Variants in UBE2W observed in about 807,000 individuals in gnomAD.
UBE2W encodes ubiquitin-conjugating enzyme E2 W.
A neutral mutation model predicts 27.2 loss-of-function variants in UBE2W; 18 were observed. That is an observed-to-expected ratio of 0.66 (90% confidence interval 0.46 to 0.98). The LOEUF (loss-of-function observed/expected upper bound fraction) is 0.98. Ranked by LOEUF, UBE2W falls within the 50% of genes least tolerant of loss-of-function variation. The pLI is 0.00. For missense variants in UBE2W, 90 were observed against 180.2 expected (o/e 0.50, Z 2.87); for synonymous variants, 53 against 57.2 (o/e 0.93, Z 0.33).
Position 73,789,769 on chromosome 8 carries a change from T to G in UBE2W, c.*4333A>C. The G allele has an allele frequency of 2.7e-6, 1 of 367,268 alleles. No individual in the cohort carries two copies. The highest frequency in any genetic ancestry group is 3.8e-6 in the Non-Finnish European group (1 of 265,536). 22.8% of individuals were successfully genotyped at this position (367,268 alleles called of 1,614,324 possible). On this transcript the variant is annotated 3_prime_UTR_variant, in exon 6 of 6. Transcript: ENST00000602593. ...AGGAGAATCGCTTAGACCCAGGAGG[T>G]GGAGATTGAAATGAGCCAAGATCGT... is the stretch of plus-strand genomic sequence containing the variant.
intron 1 of UBE2W, among the ~76,000 whole-genome samples, chr8:73,873,136 T>C (rs1307601280): frequency 1.3e-5 from 2 of 152,200 alleles, no homozygotes; most frequent in African/African-American, 4.8e-5. Flanking sequence ...CTCGATCTCC[T>C]GACCTCAGGT....
intron 1 of UBE2W, among the ~76,000 whole-genome samples, chr8:73,871,525 A>G (rs1324697916): frequency 6.6e-6 from 1 of 152,188 alleles, no homozygotes; most frequent in African/African-American, 2.4e-5. Context: ...TCTCTAATGA[A>G]GTTTTACAAA....
chr8:73,788,133 T>C lies in UBE2W; in HGVS notation c.*5969A>G. 1.0e-6 allele frequency: 1 copy of C among 982,414 alleles called. No homozygotes were observed. Among genetic ancestry groups the C allele is most frequent in the Non-Finnish European group, 1.2e-6 (1 of 827,220 alleles). The allele number at this position is 982,414 out of a possible 1,614,324, so 60.9% of individuals were successfully genotyped here. A position where few individuals can be genotyped will look rare whatever the true frequency, so the allele number is the denominator to read the frequency against. Reference sequence around the variant, plus strand: ...ATTCAAGTCTACAGAAAAAATCCAATAACAACTGCTTTATTATTAAAAGTT... The same window carrying C: ...ATTCAAGTCTACAGAAAAAATCCAACAACAACTGCTTTATTATTAAAAGTT... On this transcript the variant is annotated 3_prime_UTR_variant, in exon 6 of 6. Transcript: ENST00000602593.
intron 5 of UBE2W, among the ~76,000 whole-genome samples, chr8:73,802,198 G>C (rs983547148): frequency 3.3e-5 from 5 of 152,148 alleles, no homozygotes; most frequent in African/African-American, 1.2e-4. Context: ...CTTCCTTAAA[G>C]GATTACACTA....
intron 4 of UBE2W, chr8:73,780,644 C>T: frequency 2.9e-6 from 1 of 350,860 alleles, no homozygotes; most frequent in Admixed American, 3.3e-5. Flanking sequence ...ACCTTAGTTT[C>T]CAGCTACTTG....
chr8:73,859,979 A>G (rs1008784361), intron 1 of UBE2W, among the ~76,000 whole-genome samples: 4 of 152,200 alleles, frequency 2.6e-5, no homozygotes, highest in African/African-American at 9.7e-5. Context: ...CCATTTCAGA[A>G]ATGAGGAAAA....
rs905523959 is a variant in UBE2W, at chr8:73,790,332, G to A, written c.*3770C>T. ...TAAAAAGGACTACAAAGAGGATTGG[G>A]GCCAGTTGGTGCAGATTAAAAGACA... On this transcript the variant is annotated 3_prime_UTR_variant, in exon 6 of 6. Coordinates refer to ENST00000602593, the MANE Select transcript of UBE2W (RefSeq NM_018299.6). The A allele has an allele frequency of 1.6e-5, 16 of 985,322 alleles. No homozygotes were observed. The African/African-American group carries it at 2.6e-4, about 16-fold the overall frequency. The allele number at this position is 985,322 out of a possible 1,614,324, so 61.0% of individuals were successfully genotyped here. A position where few individuals can be genotyped will look rare whatever the true frequency, so the allele number is the denominator to read the frequency against.
At chr8:73,802,972 C>A (rs1808710809) in intron 5 of UBE2W, among the ~76,000 whole-genome samples, 1 of 151,968 alleles carries the variant, frequency 6.6e-6, no homozygotes, top group South Asian at 2.1e-4. Context: ...TGCAGTGAGC[C>A]GAAGTTGCGA....
At chr8:73,868,003 T>C (rs1305847003) in intron 1 of UBE2W, among the ~76,000 whole-genome samples, 4 of 152,220 alleles carry the variant, frequency 2.6e-5, no homozygotes, top group Non-Finnish European at 5.9e-5. Flanking sequence ...TATTGCGATT[T>C]ACAACAAGAA....
rs188349026 is a variant in UBE2W at position 73,837,880 on chromosome 8, G to A, written c.16-7408C>T. Among the ~76,000 whole-genome samples the A allele has an allele frequency of 2.3e-3, 349 of 152,178 alleles. 3 individuals carry two copies. The highest frequency in any genetic ancestry group is 4.3e-3 in the Non-Finnish European group (290 of 68,020). On this transcript the variant is annotated intron_variant, in intron 1 of 5. Transcript: ENST00000602593. ...CACAGACATCTATCCTCCCCAGGGC[G>A]AAAAGGCCTAAAGTTATTTGCAAAA... is the stretch of plus-strand genomic sequence containing the variant.
intron 3 of UBE2W, among the ~76,000 whole-genome samples, chr8:73,818,308 C>T (rs1404702059): frequency 3.3e-5 from 5 of 152,166 alleles, no homozygotes; most frequent in African/African-American, 7.2e-5. Flanking sequence ...CCTTCCAAAA[C>T]GTCCACTGCT....
chr8:73,825,083 CA>C, intron 3 of UBE2W, 63 bp downstream of exon 3: 1 of 1,003,262 alleles, frequency 1.0e-6, no homozygotes. Flanking sequence ...TTTACTGAGT[CA>C]AACATCTCTG....
At chr8:73,820,279 T>C (rs1349269438) in intron 3 of UBE2W, among the ~76,000 whole-genome samples, 2 of 152,168 alleles carry the variant, frequency 1.3e-5, no homozygotes, top group Admixed American at 6.5e-5. Flanking sequence ...CATCAAGCAT[T>C]GATGTTTGAC....
At chr8:73,860,535 T>C (rs1032808426) in intron 1 of UBE2W, among the ~76,000 whole-genome samples, 2 of 152,122 alleles carry the variant, frequency 1.3e-5, no homozygotes, top group Non-Finnish European at 2.9e-5. Context: ...GTCTTTATAA[T>C]AGCTACAAGG....
intron 1 of UBE2W, among the ~76,000 whole-genome samples, chr8:73,839,655 T>A (rs1432420445): frequency 7.0e-6 from 1 of 143,640 alleles, no homozygotes; most frequent in Non-Finnish European, 1.5e-5. Context: ...AGACTCCATC[T>A]CAAAAAAAAA....
At chr8:73,842,514 G>A (rs1400812712) in intron 1 of UBE2W, among the ~76,000 whole-genome samples, 2 of 123,734 alleles carry the variant, frequency 1.6e-5, no homozygotes, top group Non-Finnish European at 3.1e-5. Context: ...GGGCGACAGA[G>A]GGAGACTCCG....
At chr8:73,839,561 G>A (rs1234367327) in intron 1 of UBE2W, among the ~76,000 whole-genome samples, 1 of 151,326 alleles carries the variant, frequency 6.6e-6, no homozygotes, top group Non-Finnish European at 1.5e-5. Flanking sequence ...GGAGGCTGAG[G>A]CAGGAGAATC....
At chr8:73,858,979 CGTGTGTGTGTGTGTGTGTGTGT>C (rs59095956) in intron 1 of UBE2W, among the ~76,000 whole-genome samples, 240 of 126,024 alleles carry the variant, frequency 1.9e-3, no homozygotes, top group African/African-American at 6.2e-3. Flanking sequence ...GGGGTTTTTG[CGTGTGTGTGTGTGTGTGTGTGT>C]GTGTGTGTGT....
chr8:73,848,212 A>G (rs1465040404), intron 1 of UBE2W, among the ~76,000 whole-genome samples: 2 of 152,330 alleles, frequency 1.3e-5, no homozygotes, highest in South Asian at 2.1e-4. Context: ...AAGTAAATAA[A>G]TAAATAAATA....
Sources: gnomAD v4.1 joint callset for allele counts (sites outside exome capture counted in the v4.1 genomes callset) on GRCh38, gnomAD v4.1.1 for gene constraint, MANE v1.5 for transcripts, NCBI Gene and HGNC (gene_info 2026-07-23, HGNC 2026-07-21) for gene names.